The following TMEM217 variants were observed in gnomAD, a reference collection of about 807,000 sequenced individuals.
TMEM217 encodes chromosome 6 open reading frame 128.
For synonymous variants in TMEM217, 76 were observed against 88.3 expected (o/e 0.86, Z 0.78); for missense variants, 204 against 248.8 (o/e 0.82, Z 1.21).
chr6:37,254,796 G>A (rs184456597), intron 1 of TMEM217, among the ~76,000 whole-genome samples: 22 of 152,298 alleles, frequency 1.4e-4, no homozygotes, highest in African/African-American at 5.1e-4. Context: ...GATCTCTAGG[G>A]CAGTAGTCCC....
rs369273882 is a variant in TMEM217 at position 37,249,509 on chromosome 6, C to T, written c.-12+8059G>A. Among the ~76,000 whole-genome samples the T allele has an allele frequency of 3.3e-5, 5 of 152,140 alleles. No homozygotes were observed. The East Asian group carries it at 7.7e-4, about 24-fold the overall frequency. On this transcript the variant is annotated intron_variant, in intron 1 of 1. Coordinates refer to ENST00000357219, the Ensembl canonical transcript of TMEM217. Reference sequence around the variant, plus strand: ...TAATTTTTTTGTATTTTAGTGGAGACGGGGTTTCACCATGCTGGCCAAGCT... The same window carrying T: ...TAATTTTTTTGTATTTTAGTGGAGATGGGGTTTCACCATGCTGGCCAAGCT...
At chr6:37,244,922 G>A (rs1764972590) in intron 1 of TMEM217, among the ~76,000 whole-genome samples, 1 of 152,198 alleles carries the variant, frequency 6.6e-6, no homozygotes. Context: ...GATGGCCTCA[G>A]CTGGGATAAC....
intron 1 of TMEM217, among the ~76,000 whole-genome samples, chr6:37,247,705 A>G (rs1182691469): frequency 6.6e-6 from 1 of 152,068 alleles, no homozygotes; most frequent in East Asian, 1.9e-4. Flanking sequence ...CAACTACCAC[A>G]ATGGACAACA....
intron 1 of TMEM217, among the ~76,000 whole-genome samples, chr6:37,244,879 G>A (rs898605020): frequency 7.9e-5 from 12 of 152,190 alleles, no homozygotes; most frequent in African/African-American, 2.4e-4. Flanking sequence ...TAATTCATAC[G>A]TCAAAGGCTC....
At chr6:37,241,648 G>A (rs1764775238) in intron 1 of TMEM217, among the ~76,000 whole-genome samples, 1 of 152,212 alleles carries the variant, frequency 6.6e-6, no homozygotes. Context: ...GGGAGCCAGA[G>A]GGATCCCCAG....
At chr6:37,214,225 T>TTC (rs370031606), downstream of TMEM217, among the ~76,000 whole-genome samples, 37 of 150,230 alleles carry the variant, frequency 2.5e-4, no homozygotes, top group Middle Eastern at 3.5e-3. Flanking sequence ...AGAACTTCCT[T>TTC]TCTCTCTCTC....
chr6:37,222,589 A>C (rs1442299857), intron 1 of TMEM217, among the ~76,000 whole-genome samples: 1 of 152,224 alleles, frequency 6.6e-6, no homozygotes, highest in East Asian at 1.9e-4. Context: ...CCAGGTCTGC[A>C]GCCGTGGGTC....
At chr6:37,231,671 C>CA (rs1216609836) in intron 1 of TMEM217, among the ~76,000 whole-genome samples, 1,822 of 60,144 alleles carry the variant, frequency 0.03, 45 homozygotes, top group African/African-American at 0.086. Flanking sequence ...GACTCCATCT[C>CA]AAAAAAAAAA....
At chr6:37,235,130 A>C (rs1764429860) in intron 1 of TMEM217, among the ~76,000 whole-genome samples, 2 of 152,190 alleles carry the variant, frequency 1.3e-5, no homozygotes, top group African/African-American at 4.8e-5. Context: ...TGAGCTAAAA[A>C]CATTATCATG....
chr6:37,241,138 T>C (rs1267816406), intron 1 of TMEM217, among the ~76,000 whole-genome samples: 1 of 149,518 alleles, frequency 6.7e-6, no homozygotes, highest in East Asian at 2.0e-4. Context: ...TTGCTCTGTC[T>C]CCCAGGCTGG....
chr6:37,249,415 G>A (rs543496027), intron 1 of TMEM217, among the ~76,000 whole-genome samples: 1 of 152,172 alleles, frequency 6.6e-6, no homozygotes, highest in Admixed American at 6.5e-5. Context: ...CACTTTCCAG[G>A]TTCAAGCAAT....
intron 1 of TMEM217, among the ~76,000 whole-genome samples, chr6:37,237,726 A>ATGGTATGTT: frequency 6.6e-6 from 1 of 152,232 alleles, no homozygotes; most frequent in Non-Finnish European, 1.5e-5. Context: ...AACATACAAC[A>ATGGTATGTT]ATATGGTAGA....
In TMEM217 at chr6:37,233,283, C is replaced by T. The variant is rs138155195; in HGVS notation, c.-11-14242G>A. Among the ~76,000 whole-genome samples the T allele has an allele frequency of 2.1e-3, 322 of 152,320 alleles. 1 individual carries two copies. Among genetic ancestry groups the T allele is most frequent in the Middle Eastern group, 0.02 (6 of 294 alleles). On this transcript the variant is annotated intron_variant, in intron 1 of 1. Transcript: ENST00000357219. ...AAACTCACTAAGTTCCATCAACTCT[C>T]CTTCCCACCAATCTCTTGAATCATT...
chr6:37,238,208 T>C (rs1393330150), intron 1 of TMEM217, among the ~76,000 whole-genome samples: 1 of 150,304 alleles, frequency 6.7e-6, no homozygotes, highest in African/African-American at 2.4e-5. Context: ...CCTCACAAAA[T>C]TGCTGTGAAG....
exon 1 of TMEM217, chr6:37,257,588 G>A (rs528456664): frequency 1.3e-5 from 5 of 388,088 alleles, no homozygotes; most frequent in African/African-American, 1.1e-4. Flanking sequence ...CCTCTCGCGG[G>A]TAGGAACTTT....
At chr6:37,246,344 T>C (rs1339885352) in intron 1 of TMEM217, among the ~76,000 whole-genome samples, 1 of 152,192 alleles carries the variant, frequency 6.6e-6, no homozygotes, top group Non-Finnish European at 1.5e-5. Context: ...ATGTCTGTTA[T>C]CTTCCTTGGG....
chr6:37,241,278 A>G lies in TMEM217; in HGVS notation c.-12+16290T>C, dbSNP rs546336857. ...TTTTTTTTAGAAACGGGGTCTCACT[A>G]TGTTGCCCAGGCTAAAGGTGTTACT... is the stretch of plus-strand genomic sequence containing the variant. On this transcript the variant is annotated intron_variant, in intron 1 of 1. Transcript: ENST00000357219. Among the ~76,000 whole-genome samples the G allele has an allele frequency of 6.0e-5, 9 of 151,236 alleles. No homozygotes were observed. The East Asian group carries it at 1.4e-3, about 23-fold the overall frequency.
chr6:37,257,888 C>A, exon 1 of TMEM217: 1 of 1,610,694 alleles, frequency 6.2e-7, no homozygotes, highest in Non-Finnish European at 8.5e-7. Context: ...ACCCTTGGCC[C>A]GCCTACAAGG....
At chr6:37,216,597 G>C (rs528666154), downstream of TMEM217, among the ~76,000 whole-genome samples, 2 of 152,252 alleles carry the variant, frequency 1.3e-5, no homozygotes, top group East Asian at 3.9e-4. Flanking sequence ...CCTCTGAGGC[G>C]AGGAGCACAG....
Sources: allele counts gnomAD v4.1 joint callset (sites outside exome capture counted in the v4.1 genomes callset), GRCh38; gene constraint gnomAD v4.1.1; transcripts MANE v1.5; gene names NCBI Gene and HGNC (gene_info 2026-07-23, HGNC 2026-07-21).